TG: variants seen among roughly 807,000 people sequenced by gnomAD.
TG encodes the protein thyroid hormones.
In TG, 270 loss-of-function variants were observed where a neutral mutation model predicts 324.7. The ratio of observed to expected loss-of-function variants is 0.83; its 90% CI spans 0.75 to 0.92. TG has a LOEUF of 0.92. Among genes scored for constraint, TG ranks in the 40% least tolerant of loss-of-function variants. The pLI, the probability that TG is intolerant of heterozygous loss-of-function variation, is 0.00. For synonymous variants in TG, 1,401 were observed against 1,327.0 expected, an observed-to-expected ratio of 1.06 and a Z score of -1.21; for missense variants, 3,591 against 3,456.4, an observed-to-expected ratio of 1.04 and a Z score of -0.98.
chr8:133,039,861 A>G, intron 41 of TG: 1 of 1,432,186 alleles, frequency 7.0e-7, no homozygotes, highest in Non-Finnish European at 9.3e-7. Flanking sequence ...CTCACCCCCC[A>G]GTTTCAGCAG....
At chr8:132,900,712 CT>C (rs952434177) in intron 15 of TG, among the ~76,000 whole-genome samples, 3 of 152,210 alleles carry the variant, frequency 2.0e-5, no homozygotes, top group African/African-American at 7.2e-5. Context: ...GCAGATGTCC[CT>C]CTTCTGCCTA....
chr8:133,050,108 G>C, intron 41 of TG: 3 of 755,798 alleles, frequency 4.0e-6, no homozygotes, highest in Non-Finnish European at 7.1e-6. Flanking sequence ...TTTAAGATCT[G>C]TCACTGGCCA....
At position 133,019,599 on chromosome 8, in the gene TG, C is replaced by T. The variant is rs143075252; in HGVS notation, c.6783-3C>T. Reference sequence around the variant, plus strand: ...TTGGAAGTCACCCAGTCTGTATCTGCAGGGCCAGCTGCTGGCAGCCAGGCA... The same window carrying T: ...TTGGAAGTCACCCAGTCTGTATCTGTAGGGCCAGCTGCTGGCAGCCAGGCA... On this transcript the variant is annotated splice_region_variant and splice_polypyrimidine_tract_variant and intron_variant, in intron 38 of 47. Transcript: ENST00000220616. 5.3e-4 allele frequency: 862 copies of T among 1,613,278 alleles called. 3 individuals are homozygous for T. The African/African-American group carries it at 0.01, about 19-fold the overall frequency.
At position 133,099,613 on chromosome 8, in the gene TG, G is replaced by A. The variant is rs541603039; in HGVS notation, c.7572+3240G>A. On this transcript the variant is annotated intron_variant, in intron 43 of 47. Coordinates refer to ENST00000220616, the MANE Select transcript of TG (RefSeq NM_003235.5). ...CATAACACACCCAAAGTGGACTGCC[G>A]ATTCCACCTCTGCTCCCATCCCCAA... 1.7e-4 allele frequency among the ~76,000 whole-genome samples: 26 copies of A among 152,256 alleles called. 1 individual carries two copies. The highest frequency in any genetic ancestry group is 1.0e-3 in the South Asian group (5 of 4,826).
chr8:133,040,073 G>A lies in TG; in HGVS notation c.7239+10050G>A, dbSNP rs1201979000. ...GCTGGAGGCCCTCACTGCTGGGGCA[G>A]CCGTGCTTTGTGTCAGGCAGGGCGT... On this transcript the variant is annotated intron_variant, in intron 41 of 47. Transcript: ENST00000220616. 4.5e-6 allele frequency: 7 copies of A among 1,557,882 alleles called. No individual in the cohort carries two copies. In the Admixed American group the frequency reaches 1.2e-4, roughly 26 times the overall value.
intron 41 of TG, among the ~76,000 whole-genome samples, chr8:133,078,428 C>T (rs12681531): frequency 0.16 from 24,842 of 152,170 alleles, 2,330 homozygotes; most frequent in Non-Finnish European, 0.21. Flanking sequence ...CTTCCCTGCT[C>T]CTCCACCACC....
intron 41 of TG, among the ~76,000 whole-genome samples, chr8:133,074,604 G>T (rs1401742342): frequency 6.6e-6 from 1 of 152,170 alleles, no homozygotes; most frequent in Non-Finnish European, 1.5e-5. Context: ...TGGCGAGAAT[G>T]TCTCCTCTGG....
At chr8:133,001,454 A>G (rs1223946472) in intron 35 of TG, among the ~76,000 whole-genome samples, 2 of 152,212 alleles carry the variant, frequency 1.3e-5, no homozygotes, top group Non-Finnish European at 2.9e-5. Context: ...TGCTGAACCA[A>G]TCAGCAGCTC....
chr8:133,092,456 T>A (rs1847715999), intron 41 of TG, among the ~76,000 whole-genome samples: 1 of 152,222 alleles, frequency 6.6e-6, no homozygotes, highest in Non-Finnish European at 1.5e-5. Flanking sequence ...CCTACAGGCA[T>A]GGCTGGGTGG....
chr8:133,029,725 C>T (rs888727722), intron 40 of TG, 96 bp from the exon 41 acceptor site: 91 of 1,454,082 alleles, frequency 6.3e-5, no homozygotes, highest in Non-Finnish European at 7.2e-5. Flanking sequence ...GAGCCCCTGG[C>T]GGGGCCGCAT....
chr8:133,032,436 G>T (rs1836724810), intron 41 of TG, among the ~76,000 whole-genome samples: 1 of 152,106 alleles, frequency 6.6e-6, no homozygotes, highest in African/African-American at 2.4e-5. Flanking sequence ...ACCTTCCAAT[G>T]GGCTCAGAAA....
intron 22 of TG, among the ~76,000 whole-genome samples, chr8:132,923,956 C>T (rs1173761764): frequency 6.6e-6 from 1 of 152,106 alleles, no homozygotes; most frequent in African/African-American, 2.4e-5. Context: ...TTCCACAGAC[C>T]AGAGGTGGCA....
At chr8:133,060,591 A>G (rs1842226426) in intron 41 of TG, among the ~76,000 whole-genome samples, 1 of 152,176 alleles carries the variant, frequency 6.6e-6, no homozygotes, top group Admixed American at 6.5e-5. Context: ...AGGAATTTGG[A>G]GTACAGGAGT....
At chr8:132,924,852 A>G (rs1821609242) in intron 22 of TG, among the ~76,000 whole-genome samples, 1 of 152,202 alleles carries the variant, frequency 6.6e-6, no homozygotes, top group Non-Finnish European at 1.5e-5. Context: ...GTCTCAGAAT[A>G]AGAAGGCTCA....
chr8:132,887,610 T>C (rs1294618541), intron 9 of TG, 62 bp downstream of exon 9: 1 of 1,606,298 alleles, frequency 6.2e-7, no homozygotes, highest in East Asian at 2.2e-5. Flanking sequence ...CCTGACCCAA[T>C]GCAGTACAGT....
chr8:133,033,596 C>A (rs1418468426), intron 41 of TG, among the ~76,000 whole-genome samples: 1 of 152,234 alleles, frequency 6.6e-6, no homozygotes, highest in Non-Finnish European at 1.5e-5. Flanking sequence ...ATGAATCCTG[C>A]ATGAATCCTA....
chr8:133,121,864 T>A (rs1441832108), intron 45 of TG, among the ~76,000 whole-genome samples: 2 of 152,200 alleles, frequency 1.3e-5, no homozygotes, highest in African/African-American at 4.8e-5. Flanking sequence ...TATGGTGCCA[T>A]CTATGTAGCA....
chr8:132,910,944 T>C (rs1009832719), intron 18 of TG, among the ~76,000 whole-genome samples: 9 of 152,128 alleles, frequency 5.9e-5, no homozygotes, highest in African/African-American at 1.9e-4. Flanking sequence ...TCACAGAAAT[T>C]CAGTGGGCAC....
chr8:133,116,229 G>T (rs1015069046), intron 44 of TG, among the ~76,000 whole-genome samples: 2 of 152,162 alleles, frequency 1.3e-5, no homozygotes, highest in African/African-American at 4.8e-5. Flanking sequence ...ACAGTATATT[G>T]TATTTAACTC....
Sources: gnomAD v4.1 joint callset for allele counts (sites outside exome capture counted in the v4.1 genomes callset) on GRCh38, gnomAD v4.1.1 for gene constraint, MANE v1.5 for transcripts, NCBI Gene and HGNC (gene_info 2026-07-23, HGNC 2026-07-21) for gene names.